Variants in YARS1 observed in about 807,000 individuals in gnomAD.
YARS1 encodes the protein tyrosine--tRNA ligase, cytoplasmic.
YARS1 carries 36 observed loss-of-function variants against 62.2 expected under a neutral mutation model. The observed-to-expected ratio is 0.58, with a 90% CI of 0.44 to 0.76. The LOEUF (loss-of-function observed/expected upper bound fraction) is 0.76, where lower values mean the gene tolerates loss of function less well. Among genes scored for constraint, YARS1 ranks in the 30% least tolerant of loss-of-function variants. YARS1 has a pLI of 0.00. For missense variants in YARS1, 524 were observed against 639.8 expected (o/e 0.82, Z 1.95); for synonymous variants, 234 against 244.9 (o/e 0.96, Z 0.42).
At chr1:32,791,355 T>C (rs892025556) in intron 5 of YARS1, 101 bp from the exon 6 acceptor site, 1 of 911,888 alleles carries the variant, frequency 1.1e-6, no homozygotes, top group Non-Finnish European at 1.8e-6. Context: ...AGTTGTTATA[T>C]TGCTTCCAAT....
intron 6 of YARS1, chr1:32,790,950 G>T: frequency 1.8e-6 from 1 of 562,756 alleles, no homozygotes; most frequent in Non-Finnish European, 3.2e-6. Context: ...TTTTTTATCA[G>T]CAGCAAAAAC....
At chr1:32,812,455 TAA>T (rs1638607449) in intron 1 of YARS1, among the ~76,000 whole-genome samples, 1 of 152,196 alleles carries the variant, frequency 6.6e-6, no homozygotes, top group African/African-American at 2.4e-5. Flanking sequence ...TAGCAGGCCC[TAA>T]AGGAAATCAA....
Position 32,779,509 on chromosome 1 carries a change from C to T in YARS1, c.1349G>A (p.Arg450His), listed in dbSNP as rs147005844. 4.4e-5 allele frequency: 71 copies of T among 1,614,030 alleles called. No individual in the cohort carries two copies. The highest frequency in any genetic ancestry group is 6.7e-5 in the East Asian group (3 of 44,888). ...CGGAGGGTCCAGAGGTTCAACCTGGCGGTTTATCCCTTCTCTGGGAAGACA... is the reference window on the plus strand; with the variant it reads ...CGGAGGGTCCAGAGGTTCAACCTGGTGGTTTATCCCTTCTCTGGGAAGACA... ...LLCASIEGIN[R>H]QVEPLDPPAG... The change falls in exon 12 of 13, where the codon CGC becomes CAC. Residue 450 changes from arginine (R) to histidine (H), a missense_variant. Transcript: ENST00000373477.
chr1:32,786,870 C>T (rs1485345185), intron 7 of YARS1, 70 bp downstream of exon 7: 1 of 1,603,976 alleles, frequency 6.2e-7, no homozygotes, highest in Non-Finnish European at 8.5e-7. Flanking sequence ...TGTGACAAAT[C>T]ACAAGTATGA....
chr1:32,779,672 C>T, intron 11 of YARS1, 149 bp from the exon 12 acceptor site: 1 of 987,170 alleles, frequency 1.0e-6, no homozygotes, highest in Non-Finnish European at 1.5e-6. Context: ...TCTTATCTTG[C>T]TACATCCCTG....
chr1:32,811,928 C>G (rs966993420), intron 1 of YARS1, among the ~76,000 whole-genome samples: 1 of 152,160 alleles, frequency 6.6e-6, no homozygotes, highest in Non-Finnish European at 1.5e-5. Flanking sequence ...TTTTGGCCAA[C>G]AGGATCCCAA....
intron 12 of YARS1, 35 bp downstream of exon 12, chr1:32,779,347 C>G (rs1208133263): frequency 6.2e-7 from 1 of 1,613,962 alleles, no homozygotes; most frequent in East Asian, 2.2e-5. Flanking sequence ...GTCCAGGCAG[C>G]CCAGCCAAGA....
Position 32,775,842 on chromosome 1 carries a change from C to CA in YARS1, c.*138_*139insT. 3.7e-6 allele frequency: 3 copies of CA among 802,112 alleles called. No homozygotes were observed. The allele number at this position is 802,112 out of a possible 1,614,324, so 49.7% of individuals were successfully genotyped here. On this transcript the variant is annotated 3_prime_UTR_variant, in exon 13 of 13. Coordinates refer to ENST00000373477, the MANE Select transcript of YARS1 (RefSeq NM_003680.4). ...TCTGGGGAGGGTAAGCTGCCCCTTG[C>CA]CGAGTTCTGCACCGAATAAAGAGTC...
intron 5 of YARS1, among the ~76,000 whole-genome samples, chr1:32,795,435 CTG>C (rs1259287081): frequency 6.6e-6 from 1 of 152,090 alleles, no homozygotes; most frequent in Non-Finnish European, 1.5e-5. Context: ...CTAACTTAAA[CTG>C]TAATAAATTG....
Position 32,806,487 on chromosome 1 carries a change from G to A in YARS1, c.505C>T (p.Leu169=), listed in dbSNP as rs149741618. The change falls in exon 4 of 13, where the codon CTG becomes TTG. Residue 169 remains leucine, a synonymous_variant. Coordinates refer to ENST00000373477, the MANE Select transcript of YARS1 (RefSeq NM_003680.4). ...PLLSGLLYPG[L]QALDEEYLKV... is the part of the protein sequence containing the mutation. Reference sequence around the variant, plus strand: ...ACTCCATCCCCCTTAAGTACCTGCAGTCCGGGGTATAAGAGGCCACTCAGC... The same window carrying A: ...ACTCCATCCCCCTTAAGTACCTGCAATCCGGGGTATAAGAGGCCACTCAGC... 5.2e-5 allele frequency: 84 copies of A among 1,614,026 alleles called. No homozygotes were observed. The African/African-American group carries it at 9.1e-4, about 17-fold the overall frequency.
Position 32,786,922 on chromosome 1 carries a change from GA to G in YARS1, c.820+17del, listed in dbSNP as rs765601557. On this transcript the variant is annotated intron_variant, in intron 7 of 12. Coordinates refer to ENST00000373477, the MANE Select transcript of YARS1 (RefSeq NM_003680.4). ...TCTATTCTAGCCTGGCCTCTAGGAA[GA>G]AAACAGAGAGTGTTACCGGACTTAA... 4.8e-5 allele frequency: 78 copies of G among 1,613,832 alleles called. No homozygotes were observed. The highest frequency in any genetic ancestry group is 1.7e-5 in the Admixed American group (1 of 59,984).
intron 10 of YARS1, chr1:32,780,656 G>A: frequency 2.4e-6 from 1 of 415,386 alleles, no homozygotes; most frequent in Admixed American, 3.6e-5. Flanking sequence ...AGGCCACTGG[G>A]TGCATAACCT....
intron 4 of YARS1, among the ~76,000 whole-genome samples, chr1:32,799,759 G>A (rs1020847416): frequency 6.6e-6 from 1 of 152,112 alleles, no homozygotes; most frequent in Non-Finnish European, 1.5e-5. Context: ...CATATGACTA[G>A]GACTAGAGGC....
intron 1 of YARS1, among the ~76,000 whole-genome samples, chr1:32,816,529 A>C (rs1379314575): frequency 6.6e-6 from 1 of 152,196 alleles, no homozygotes; most frequent in Non-Finnish European, 1.5e-5. Context: ...AGGGGTAAGC[A>C]ATATAAATAT....
intron 4 of YARS1, among the ~76,000 whole-genome samples, chr1:32,804,371 T>C (rs1085229): frequency 0.99 from 148,258 of 150,416 alleles, 73,084 homozygotes; most frequent in Non-Finnish European, 1. Flanking sequence ...CGGGCGGGGG[T>C]TGCCCCCCAC....
intron 11 of YARS1, chr1:32,779,854 G>A (rs1652994515): frequency 1.6e-6 from 1 of 631,346 alleles, no homozygotes; most frequent in South Asian, 1.9e-5. Flanking sequence ...ACTTGGGTAT[G>A]TACTGGTTTG....
chr1:32,807,128 T>A (rs1294017634), intron 3 of YARS1, among the ~76,000 whole-genome samples: 1 of 152,142 alleles, frequency 6.6e-6, no homozygotes, highest in Non-Finnish European at 1.5e-5. Flanking sequence ...AAGACAGCCA[T>A]CAGAACAAAG....
At chr1:32,793,248 T>A (rs1412145652) in intron 5 of YARS1, among the ~76,000 whole-genome samples, 2 of 152,170 alleles carry the variant, frequency 1.3e-5, no homozygotes, top group Admixed American at 6.6e-5. Context: ...TTTGAGGAAA[T>A]TATGGCAGAC....
At chr1:32,797,003 T>A (rs1199110921) in intron 5 of YARS1, among the ~76,000 whole-genome samples, 167 of 5,622 alleles carry the variant, frequency 0.03, 33 homozygotes, top group East Asian at 0.12. Context: ...AAAATATATA[T>A]ATATATATAT....
Sources: gnomAD v4.1 joint callset for allele counts (sites outside exome capture counted in the v4.1 genomes callset) on GRCh38, gnomAD v4.1.1 for gene constraint, MANE v1.5 for transcripts, NCBI Gene and HGNC (gene_info 2026-07-23, HGNC 2026-07-21) for gene names.